FOXP2: variants seen among roughly 807,000 people sequenced by gnomAD.
The protein encoded by FOXP2 is forkhead box P2.
In FOXP2, 12 loss-of-function variants were observed where a neutral mutation model predicts 115.8. The observed-to-expected ratio is 0.10, with a 90% CI of 0.07 to 0.17. The LOEUF (loss-of-function observed/expected upper bound fraction) is 0.17, where lower values mean the gene tolerates loss of function less well. Among genes scored for constraint, FOXP2 ranks in the 10% least tolerant of loss-of-function variants. FOXP2 has a pLI of 1.00. For synonymous variants in FOXP2, 328 were observed against 297.7 expected, an observed-to-expected ratio of 1.10 and a Z score of -1.05; for missense variants, 629 against 843.5, an observed-to-expected ratio of 0.75 and a Z score of 3.15.
chr7:114,637,409 A>AT, intron 6 of FOXP2, among the ~76,000 whole-genome samples: 1 of 152,286 alleles, frequency 6.6e-6, no homozygotes, highest in South Asian at 2.1e-4. Context: ...ATATCCTTGA[A>AT]ATAAGAGAAA....
intron 6 of FOXP2, among the ~76,000 whole-genome samples, chr7:114,639,618 G>A (rs1584980551): frequency 1.3e-5 from 2 of 152,008 alleles, no homozygotes; most frequent in Non-Finnish European, 1.5e-5. Flanking sequence ...ACTTAGAGGA[G>A]GTGAACTTTG....
chr7:114,292,186 G>A (rs1796622044), intron 2 of FOXP2, among the ~76,000 whole-genome samples: 1 of 151,480 alleles, frequency 6.6e-6, no homozygotes, highest in Non-Finnish European at 1.5e-5. Context: ...TCAAGGGGAA[G>A]GAATTTTACA....
intron 1 of FOXP2, among the ~76,000 whole-genome samples, chr7:114,218,278 C>A (rs1657608262): frequency 6.6e-6 from 1 of 152,142 alleles, no homozygotes; most frequent in Non-Finnish European, 1.5e-5. Flanking sequence ...CTCTACTCTC[C>A]AAATACAAAA....
Position 114,426,631 on chromosome 7 carries a change from C to G in FOXP2, c.120C>G (p.Thr40=). The change falls in exon 2 of 17, where the codon ACC becomes ACG. Residue 40 remains threonine (T), a synonymous_variant. Transcript: ENST00000350908. The part of the protein sequence containing the change: ...GSRDGRSSGD[T]SSEVSTVELL... Reference sequence around the variant, plus strand: ...GAGATGGAAGATCAAGTGGTGACACCAGCTCTGAAGTAAGCACAGTAGAAC... The same window carrying G: ...GAGATGGAAGATCAAGTGGTGACACGAGCTCTGAAGTAAGCACAGTAGAAC... The G allele has an allele frequency of 6.2e-7, 1 of 1,611,530 alleles. No homozygotes were observed.
chr7:114,565,227 A>T (rs1194883026), intron 3 of FOXP2, among the ~76,000 whole-genome samples: 1 of 151,808 alleles, frequency 6.6e-6, no homozygotes, highest in Admixed American at 6.6e-5. Flanking sequence ...TTGTATCCTA[A>T]TTTACAAGAC....
At chr7:114,090,280 TA>T (rs1432934730) in intron 1 of FOXP2, among the ~76,000 whole-genome samples, 1 of 151,926 alleles carries the variant, frequency 6.6e-6, no homozygotes, top group African/African-American at 2.4e-5. Context: ...AATTCAGAAA[TA>T]GTGTCAATTT....
Position 114,264,680 on chromosome 7 carries a change from G to A in FOXP2, c.-101-23339G>A, listed in dbSNP as rs1341743328. 3.9e-5 allele frequency among the ~76,000 whole-genome samples: 6 copies of A among 152,266 alleles called. No individual in the cohort carries two copies. The East Asian group carries it at 1.2e-3, about 29-fold the overall frequency. On this transcript the variant is annotated intron_variant, in intron 1 of 17. Coordinates refer to the FOXP2 transcript ENST00000634411. Reference sequence around the variant, plus strand: ...ACTATAAAGAAATACCTGAGACTGAGCAATTTATAAAGAAAAGAGGTTTAA... The same window carrying A: ...ACTATAAAGAAATACCTGAGACTGAACAATTTATAAAGAAAAGAGGTTTAA...
chr7:114,378,146 C>T (rs1034980241), intron 2 of FOXP2, among the ~76,000 whole-genome samples: 1 of 152,152 alleles, frequency 6.6e-6, no homozygotes, highest in Admixed American at 6.5e-5. Flanking sequence ...TAACTCTTCA[C>T]TAAACTAAAC....
At chr7:114,191,828 C>T (rs557651242) in intron 1 of FOXP2, among the ~76,000 whole-genome samples, 38 of 152,090 alleles carry the variant, frequency 2.5e-4, no homozygotes, top group Non-Finnish European at 4.6e-4. Flanking sequence ...TTTTTTTCCG[C>T]GGGTTTTGAC....
chr7:114,677,545 T>C (rs556966043), intron 16 of FOXP2, among the ~76,000 whole-genome samples: 29 of 152,250 alleles, frequency 1.9e-4, no homozygotes, highest in Middle Eastern at 3.4e-3. Flanking sequence ...GAATACACTG[T>C]GTGACCACAA....
intron 3 of FOXP2, among the ~76,000 whole-genome samples, chr7:114,590,158 A>G (rs1222219599): frequency 6.6e-6 from 1 of 152,122 alleles, no homozygotes; most frequent in Non-Finnish European, 1.5e-5. Context: ...GAGTTGCAAA[A>G]AAAGTTTAGA....
At chr7:114,193,127 T>C (rs942273422) in intron 1 of FOXP2, among the ~76,000 whole-genome samples, 2 of 152,090 alleles carry the variant, frequency 1.3e-5, no homozygotes, top group African/African-American at 4.8e-5. Context: ...TAAAAGACTT[T>C]CCTATACTTT....
chr7:114,408,807 C>A (rs760080798), intron 2 of FOXP2, among the ~76,000 whole-genome samples: 5 of 151,990 alleles, frequency 3.3e-5, no homozygotes, highest in African/African-American at 7.2e-5. Context: ...GCAGTGACAT[C>A]ATATTTTAAA....
intron 2 of FOXP2, among the ~76,000 whole-genome samples, chr7:114,316,243 T>C (rs77456525): frequency 0.039 from 5,947 of 152,242 alleles, 284 homozygotes; most frequent in African/African-American, 0.12. Flanking sequence ...TTCACAAATA[T>C]GGAATCAGCA....
At chr7:114,540,869 G>GTTT (rs1379130823) in intron 3 of FOXP2, among the ~76,000 whole-genome samples, 6 of 152,008 alleles carry the variant, frequency 3.9e-5, no homozygotes, top group Non-Finnish European at 8.8e-5. Context: ...ATAATGAATG[G>GTTT]GTTGGGGGTT....
intron 2 of FOXP2, among the ~76,000 whole-genome samples, chr7:114,289,359 T>G (rs575317265): frequency 3.9e-5 from 6 of 152,022 alleles, no homozygotes; most frequent in Admixed American, 6.6e-5. Context: ...GTTATGTAGC[T>G]TGTTGTGATT....
chr7:114,499,574 T>C (rs1797472348), intron 2 of FOXP2: 1 of 152,182 alleles, frequency 6.6e-6, no homozygotes, highest in Non-Finnish European at 1.5e-5. Flanking sequence ...CCTTGTAATT[T>C]AATTATGATT....
intron 7 of FOXP2, among the ~76,000 whole-genome samples, chr7:114,644,345 G>A (rs567177193): frequency 3.6e-4 from 54 of 152,020 alleles, no homozygotes; most frequent in African/African-American, 1.3e-3. Flanking sequence ...GAAAATAAAG[G>A]TTTTTTTCAC....
intron 6 of FOXP2, among the ~76,000 whole-genome samples, chr7:114,637,003 A>T (rs1216874637): frequency 6.6e-6 from 1 of 152,094 alleles, no homozygotes; most frequent in Non-Finnish European, 1.5e-5. Flanking sequence ...GTGAGACCCT[A>T]TCTTTACAAA....
Sources: allele counts gnomAD v4.1 joint callset (sites outside exome capture counted in the v4.1 genomes callset), GRCh38; gene constraint gnomAD v4.1.1; transcripts MANE v1.5; gene names NCBI Gene and HGNC (gene_info 2026-07-23, HGNC 2026-07-21).